The following SCML2 variants were observed in gnomAD, a reference collection of about 807,000 sequenced individuals.
SCML2 encodes sex comb on midleg-like protein 2.
SCML2 carries 6 observed loss-of-function variants against 48.4 expected under a neutral mutation model. That is an observed-to-expected ratio of 0.12 (90% CI 0.07 to 0.24). The LOEUF (loss-of-function observed/expected upper bound fraction) is 0.24. Ranked by LOEUF, SCML2 falls within the 10% of genes least tolerant of loss-of-function variation. SCML2 has a pLI of 1.00. For missense variants in SCML2, 377 were observed against 528.2 expected (o/e 0.71, Z 2.81); for synonymous variants, 181 against 189.5 (o/e 0.95, Z 0.37).
chrX:18,280,101 A>G (rs984832801), intron 7 of SCML2, among the ~76,000 whole-genome samples: 1 of 111,820 alleles, frequency 8.9e-6, no homozygotes, highest in African/African-American at 3.3e-5. Context: ...AAAATTTTAC[A>G]GGCAGCCAGA....
chrX:18,321,558 G>A (rs1414803369), intron 5 of SCML2, among the ~76,000 whole-genome samples: 3 of 86,253 alleles, frequency 3.5e-5, no homozygotes, highest in African/African-American at 1.4e-4. Flanking sequence ...TAATAATCCT[G>A]TACCAAAATC....
At chrX:18,354,712 A>C (rs1194308567), upstream of SCML2, 1 of 262,514 alleles carries the variant, frequency 3.8e-6, no homozygotes, top group Non-Finnish European at 6.8e-6. Flanking sequence ...CATGCCCCGC[A>C]ACCGCCACTG....
chrX:18,271,449 GT>G (rs1482997830), intron 7 of SCML2, among the ~76,000 whole-genome samples: 3 of 106,596 alleles, frequency 2.8e-5, no homozygotes, highest in South Asian at 8.4e-4. Flanking sequence ...GTGTGTGTGT[GT>G]TTTTTTTTAA....
intron 7 of SCML2, among the ~76,000 whole-genome samples, chrX:18,288,747 A>C (rs1928138793): frequency 8.9e-6 from 1 of 112,232 alleles, no homozygotes; most frequent in Non-Finnish European, 1.9e-5. Flanking sequence ...TTTTACCGTT[A>C]AGGTGATTTA....
intron 5 of SCML2, among the ~76,000 whole-genome samples, chrX:18,321,596 T>C (rs1362625628): frequency 2.4e-5 from 2 of 84,141 alleles, no homozygotes; most frequent in African/African-American, 9.4e-5. Flanking sequence ...GACACAATTG[T>C]TGAAAAAAAA....
At chrX:18,248,011 ATTATT>A in intron 11 of SCML2, 129 bp from the exon 12 acceptor site, 1 of 442,230 alleles carries the variant, frequency 2.3e-6, no homozygotes, top group Non-Finnish European at 4.0e-6. Context: ...GAACTTCTCA[ATTATT>A]TGATGTTCAT....
intron 7 of SCML2, among the ~76,000 whole-genome samples, chrX:18,270,659 G>A (rs1002028201): frequency 9.0e-6 from 1 of 110,916 alleles, no homozygotes; most frequent in Admixed American, 9.6e-5. Flanking sequence ...AAACTCCCAG[G>A]AGCAATCATA....
At chrX:18,244,821 G>A (rs1926385997) in intron 13 of SCML2, among the ~76,000 whole-genome samples, 2 of 111,398 alleles carry the variant, frequency 1.8e-5, no homozygotes. Flanking sequence ...AATGGGACAA[G>A]GCAGGACAGG....
chrX:18,325,968 TAC>T (rs1929466420), intron 3 of SCML2, among the ~76,000 whole-genome samples: 1 of 112,350 alleles, frequency 8.9e-6, no homozygotes, highest in Non-Finnish European at 1.9e-5. Context: ...CAAAAAAACC[TAC>T]AGAGTGCTGA....
At chrX:18,322,996 T>G (rs184865248) in intron 5 of SCML2, among the ~76,000 whole-genome samples, 153 of 111,883 alleles carry the variant, frequency 1.4e-3, no homozygotes, top group African/African-American at 4.8e-3. Flanking sequence ...ATATCTTAAA[T>G]TTGTGAAAAA....
intron 3 of SCML2, among the ~76,000 whole-genome samples, chrX:18,326,090 A>T (rs944716137): frequency 7.1e-5 from 8 of 112,434 alleles, no homozygotes; most frequent in Non-Finnish European, 1.1e-4. Flanking sequence ...TAAGGTGCCA[A>T]GGTAAAACCA....
rs756468136 is a variant in SCML2 at position 18,244,444 on chromosome X, A to G, written c.1823-1854T>C. On this transcript the variant is annotated intron_variant, in intron 13 of 14. Transcript: ENST00000251900. ...TTTTACAGTTTACTGCAAATAAACT[A>G]TATGTAAAAAGATATGATTTGGGGT... 2.8e-4 allele frequency among the ~76,000 whole-genome samples: 32 copies of G among 112,364 alleles called. No individual in the cohort carries two copies. In the South Asian group the frequency reaches 0.011, roughly 38 times the overall value.
At chrX:18,328,090 C>T (rs1020167734) in intron 3 of SCML2, among the ~76,000 whole-genome samples, 2 of 110,841 alleles carry the variant, frequency 1.8e-5, no homozygotes, top group African/African-American at 3.3e-5. Context: ...TTCACATGTG[C>T]CCATGGTCTC....
chrX:18,241,295 G>T lies in SCML2; in HGVS notation c.2059C>A (p.Leu687Met), dbSNP rs1569134252. The T allele has an allele frequency of 2.5e-6, 3 of 1,202,359 alleles. No homozygotes were observed. The highest frequency in any genetic ancestry group is 3.4e-6 in the Non-Finnish European group (3 of 889,941). The change falls in exon 15 of 15, where the codon CTG (leucine) becomes ATG (methionine). Residue 687 changes from leucine (L) to methionine (M), a missense_variant. Coordinates refer to ENST00000251900, the MANE Select transcript of SCML2 (RefSeq NM_006089.3). ...TTAAGCTTTTCAATGTAGTAACACA[G>T]CTTTAATGCTGGCCCCAGCTTCAGC... ...MGLKLGPALK[L>M]CYYIEKLKEG... is the part of the protein sequence containing the mutation.
intron 7 of SCML2, among the ~76,000 whole-genome samples, chrX:18,285,216 GA>G (rs1385915648): frequency 9.1e-6 from 1 of 110,295 alleles, no homozygotes; most frequent in Non-Finnish European, 1.9e-5. Context: ...ATACCCAAAG[GA>G]AAACAGATTA....
At chrX:18,338,468 AAAC>A (rs896171052) in intron 1 of SCML2, among the ~76,000 whole-genome samples, 1 of 109,223 alleles carries the variant, frequency 9.2e-6, no homozygotes, top group African/African-American at 3.3e-5. Flanking sequence ...GAAAAAAAAA[AAAC>A]AATCCAGGCA....
At chrX:18,264,433 G>T (rs1927185266) in intron 8 of SCML2, among the ~76,000 whole-genome samples, 2 of 7,300 alleles carry the variant, frequency 2.7e-4, no homozygotes, top group South Asian at 7.7e-3. Flanking sequence ...CAGTACGATT[G>T]TGTGTGTGTG....
chrX:18,269,331 C>A (rs993089268), intron 7 of SCML2, among the ~76,000 whole-genome samples: 1 of 111,055 alleles, frequency 9.0e-6, no homozygotes, highest in African/African-American at 3.3e-5. Flanking sequence ...AGAGTTCTCA[C>A]GAGATCTGAT....
At chrX:18,254,971 T>C (rs1926789155) in intron 11 of SCML2, among the ~76,000 whole-genome samples, 1 of 111,058 alleles carries the variant, frequency 9.0e-6, no homozygotes, top group African/African-American at 3.3e-5. Context: ...CTCCAACTCG[T>C]ATTTTTCCCC....
Sources: allele counts gnomAD v4.1 joint callset (sites outside exome capture counted in the v4.1 genomes callset), GRCh38; gene constraint gnomAD v4.1.1; transcripts MANE v1.5; gene names NCBI Gene and HGNC (gene_info 2026-07-23, HGNC 2026-07-21).